Variants in NDST1 observed in about 807,000 individuals in gnomAD.
The protein encoded by NDST1 is bifunctional heparan sulfate N-deacetylase/N-sulfotransferase 1.
NDST1 carries 35 observed loss-of-function variants against 92.8 expected under a neutral mutation model. The ratio of observed to expected loss-of-function variants is 0.38; its 90% confidence interval spans 0.29 to 0.50. NDST1 has a LOEUF of 0.50. Among genes scored for constraint, NDST1 ranks in the 20% least tolerant of loss-of-function variants. The pLI is 0.94. For missense variants in NDST1, 822 were observed against 1,182.7 expected, an observed-to-expected ratio of 0.69 and a Z score of 4.47; for synonymous variants, 493 against 500.3, an observed-to-expected ratio of 0.99 and a Z score of 0.19.
At chr5:150,526,062 T>C (rs1754463515) in intron 2 of NDST1, among the ~76,000 whole-genome samples, 1 of 152,242 alleles carries the variant, frequency 6.6e-6, no homozygotes, top group Admixed American at 6.5e-5. Flanking sequence ...TTGCTATTCC[T>C]TGGTCATGCT....
chr5:150,541,154 G>C (rs916321808), intron 8 of NDST1, among the ~76,000 whole-genome samples: 1 of 152,206 alleles, frequency 6.6e-6, no homozygotes, highest in Non-Finnish European at 1.5e-5. Context: ...TGTATCTACT[G>C]TCTATAGCTG....
At chr5:150,528,802 T>C (rs1754587928) in intron 3 of NDST1, among the ~76,000 whole-genome samples, 1 of 151,776 alleles carries the variant, frequency 6.6e-6, no homozygotes, top group South Asian at 2.1e-4. Flanking sequence ...CTCAAAAAAA[T>C]TAAAAAAATA....
chr5:150,548,673 A>T (rs936358326), intron 12 of NDST1, among the ~76,000 whole-genome samples: 2 of 152,080 alleles, frequency 1.3e-5, no homozygotes, highest in Non-Finnish European at 2.9e-5. Flanking sequence ...AGTAGCTGGG[A>T]CTACAGGTGT....
chr5:150,514,535 TG>T (rs1270904151), intron 1 of NDST1, among the ~76,000 whole-genome samples: 1 of 125,920 alleles, frequency 7.9e-6, no homozygotes, highest in Non-Finnish European at 1.6e-5. Flanking sequence ...CACTCCAGCC[TG>T]GGTGACAGAG....
upstream of NDST1, among the ~76,000 whole-genome samples, chr5:150,505,429 C>T (rs886544613): frequency 1.3e-5 from 2 of 152,214 alleles, no homozygotes; most frequent in African/African-American, 4.8e-5. Context: ...GTTCGAATCT[C>T]AGCTAAGCAC....
chr5:150,505,894 C>T (rs1031220383), upstream of NDST1, among the ~76,000 whole-genome samples: 2 of 152,172 alleles, frequency 1.3e-5, no homozygotes, highest in African/African-American at 4.8e-5. Flanking sequence ...AATCCTCCTA[C>T]CTCAGCCTCC....
At chr5:150,539,113 C>A in intron 6 of NDST1, 115 bp from the exon 7 acceptor site, 1 of 857,206 alleles carries the variant, frequency 1.2e-6, no homozygotes, top group Non-Finnish European at 2.0e-6. Context: ...GCTGTGCGAC[C>A]ACATGGAGAC....
Position 150,521,141 on chromosome 5 carries a change from TA to T in NDST1, c.-112del. 1 of 992,462 alleles carries T rather than the reference TA, an allele frequency of 1.0e-6. No individual in the cohort carries two copies. The highest frequency in any genetic ancestry group is 1.5e-6 in the Non-Finnish European group (1 of 675,732). The allele number at this position is 992,462 out of a possible 1,614,324, so 61.5% of individuals were successfully genotyped here. A position where few individuals can be genotyped will look rare whatever the true frequency, so the allele number is the denominator to read the frequency against. On this transcript the variant is annotated 5_prime_UTR_variant, in exon 2 of 15. Coordinates refer to ENST00000261797, the MANE Select transcript of NDST1 (RefSeq NM_001543.5). This position sits in a 1 kb window ranked among gnomAD's most constrained non-coding sequence, Gnocchi z 5.9. ...AGTGCCCCACAAGGGCGTCGCTTCC[TA>T]AGTCTCTGTGAATTTGTTGGTCAGT...
upstream of NDST1, among the ~76,000 whole-genome samples, chr5:150,505,547 C>T (rs924119721): frequency 8.5e-5 from 13 of 152,060 alleles, no homozygotes; most frequent in African/African-American, 2.9e-4. Context: ...AACAAAGAGC[C>T]CAGAACATAA....
chr5:150,532,766 A>G (rs989850945), intron 3 of NDST1, among the ~76,000 whole-genome samples, 179 bp from the exon 4 acceptor site: 3 of 152,116 alleles, frequency 2.0e-5, no homozygotes, highest in African/African-American at 7.2e-5. Flanking sequence ...ACCTCAAGTG[A>G]TCCACCCACC....
intron 1 of NDST1, among the ~76,000 whole-genome samples, chr5:150,513,058 T>C (rs1045054238): frequency 2.0e-5 from 3 of 152,118 alleles, no homozygotes; most frequent in Admixed American, 1.3e-4. Context: ...TAGCTGGGCA[T>C]GGTGGCACAC....
chr5:150,538,709 G>A (rs1442510001), intron 6 of NDST1, among the ~76,000 whole-genome samples: 2 of 152,130 alleles, frequency 1.3e-5, no homozygotes, highest in African/African-American at 2.4e-5. Flanking sequence ...CCAGGCCCTC[G>A]TGCTGAACTC....
chr5:150,538,356 A>G (rs1277713882), intron 6 of NDST1, among the ~76,000 whole-genome samples: 5 of 152,172 alleles, frequency 3.3e-5, no homozygotes, highest in Non-Finnish European at 5.9e-5. Flanking sequence ...AGGGATTTCT[A>G]TCATTCTGGC....
chr5:150,535,010 A>G lies in NDST1; in HGVS notation c.1240A>G (p.Lys414Glu). Residue 414 changes from lysine to glutamate, a missense_variant, in exon 5 of 15, where the codon AAG (lysine) becomes GAG (glutamate). Coordinates refer to ENST00000261797, the MANE Select transcript of NDST1 (RefSeq NM_001543.5). ...GGCCGAGCAGATGGCCTTGAACAAG[A>G]AGTTCGCTGTCGTGAGTAAGATTCC... is the stretch of plus-strand genomic sequence containing the variant. ...VLAEQMALNK[K>E]FAVEHGIPTD... 1 of 1,614,088 alleles carries G rather than the reference A, an allele frequency of 6.2e-7. No homozygotes were observed. Among genetic ancestry groups the G allele is most frequent in the Non-Finnish European group, 8.5e-7 (1 of 1,179,958 alleles).
upstream of NDST1, among the ~76,000 whole-genome samples, chr5:150,503,848 C>A (rs1753335183): frequency 6.6e-6 from 1 of 152,186 alleles, no homozygotes; most frequent in Admixed American, 6.5e-5. Flanking sequence ...GACCCCTTGT[C>A]TCTATATCCC....
At chr5:150,512,421 AC>A (rs1224618306) in intron 1 of NDST1, among the ~76,000 whole-genome samples, 2 of 152,154 alleles carry the variant, frequency 1.3e-5, no homozygotes, top group African/African-American at 4.8e-5. Context: ...ACCTCTAGAA[AC>A]CCTTGTGGAA....
At chr5:150,529,102 G>A (rs554762491) in intron 3 of NDST1, among the ~76,000 whole-genome samples, 2 of 151,986 alleles carry the variant, frequency 1.3e-5, no homozygotes, top group African/African-American at 4.8e-5. Flanking sequence ...ATTCAAAAAA[G>A]GTTTGCTGGC....
At chr5:150,518,798 A>G (rs1223212100) in intron 1 of NDST1, 1 of 149,312 alleles carries the variant, frequency 6.7e-6, no homozygotes, top group South Asian at 2.1e-4. Flanking sequence ...TTTTTTTTAG[A>G]TAGAGTCTCG....
Position 150,534,957 on chromosome 5 carries a change from C to A in NDST1, c.1187C>A (p.Pro396His). 6.2e-7 allele frequency: 1 copy of A among 1,614,254 alleles called. No individual in the cohort carries two copies. Among genetic ancestry groups the A allele is most frequent in the Non-Finnish European group, 8.5e-7 (1 of 1,180,042 alleles). The change falls in exon 5 of 15, where the codon CCC becomes CAC. Residue 396 changes from proline to histidine, a missense_variant. Transcript: ENST00000261797. ...CCCCACATGTGGAGCCACATGCAGC[C>A]CCACCTTTTCCACAACCAGTCCGTG... is the stretch of plus-strand genomic sequence containing the variant. ...WFPHMWSHMQ[P>H]HLFHNQSVLA...
Sources: allele counts gnomAD v4.1 joint callset (sites outside exome capture counted in the v4.1 genomes callset), GRCh38; gene constraint gnomAD v4.1.1; non-coding constraint Gnocchi (gnomAD v3.1); transcripts MANE v1.5; gene names NCBI Gene and HGNC (gene_info 2026-07-23, HGNC 2026-07-21).